The following DDX19B variants were observed in gnomAD, a reference collection of about 807,000 sequenced individuals.
DDX19B encodes ATP-dependent RNA helicase DDX19B.
A neutral mutation model predicts 58.1 loss-of-function variants in DDX19B; 27 were observed. The observed-to-expected ratio is 0.46, with a 90% CI of 0.34 to 0.64. The LOEUF (loss-of-function observed/expected upper bound fraction) is 0.64. Among genes scored for constraint, DDX19B ranks in the 30% least tolerant of loss-of-function variants. The probability of loss-of-function intolerance (pLI) is 0.01; values close to 1 mark genes in which losing one functional copy is unlikely to be tolerated. For synonymous variants in DDX19B, 187 were observed against 214.4 expected (o/e 0.87, Z 1.12); for missense variants, 399 against 596.5 (o/e 0.67, Z 3.45).
intron 4 of DDX19B, 77 bp downstream of exon 4, chr16:70,316,181 G>T (rs1238215722): frequency 7.1e-6 from 11 of 1,559,116 alleles, no homozygotes; most frequent in South Asian, 1.2e-5. Flanking sequence ...GATATCTTTT[G>T]ACCACAACAG....
At position 70,330,444 on chromosome 16, in the gene DDX19B, C is replaced by T. The variant is rs527656491; in HGVS notation, c.1023+376C>T. On this transcript the variant is annotated intron_variant, in intron 9 of 11. Coordinates refer to ENST00000288071, the MANE Select transcript of DDX19B (RefSeq NM_007242.7). Reference sequence around the variant, plus strand: ...TCTACTAAAAATACAAAAAATTAGCCGTGCGTGGTGGTGTGCACCTGTAAT... The same window carrying T: ...TCTACTAAAAATACAAAAAATTAGCTGTGCGTGGTGGTGTGCACCTGTAAT... Among the ~76,000 whole-genome samples the T allele has an allele frequency of 1.8e-4, 27 of 152,114 alleles. No homozygotes were observed. In the South Asian group the frequency reaches 5.4e-3, roughly 30 times the overall value.
At chr16:70,294,736 C>A, upstream of DDX19B, 1 of 870,396 alleles carries the variant, frequency 1.1e-6, no homozygotes, top group Non-Finnish European at 1.7e-6. Context: ...GCTGTACCGT[C>A]CCCTCAGCTG....
At position 70,333,740 on chromosome 16, in the gene DDX19B, G is replaced by A. The variant is rs1963604108; in HGVS notation, c.*158G>A. On this transcript the variant is annotated 3_prime_UTR_variant, in exon 12 of 12. Transcript: ENST00000288071. ...AATTATGTTTGGACTTGACAAAAAT[G>A]TATGCAAATGATGGGGGATGGTAGA... is the stretch of plus-strand genomic sequence containing the variant. 1 of 1,104,226 alleles carries A rather than the reference G, an allele frequency of 9.1e-7. No homozygotes were observed. The highest frequency in any genetic ancestry group is 1.3e-6 in the Non-Finnish European group (1 of 752,206). The allele number at this position is 1,104,226 out of a possible 1,614,324, so 68.4% of individuals were successfully genotyped here.
intron 1 of DDX19B, among the ~76,000 whole-genome samples, chr16:70,308,435 C>T (rs1247042389): frequency 1.3e-5 from 2 of 151,744 alleles, no homozygotes; most frequent in African/African-American, 2.4e-5. Context: ...CAGGGTTTTA[C>T]CATGTTGGTC....
chr16:70,296,242 TCCA>T (rs1961215840), upstream of DDX19B, among the ~76,000 whole-genome samples: 1 of 151,950 alleles, frequency 6.6e-6, no homozygotes, highest in Non-Finnish European at 1.5e-5. Flanking sequence ...GACCTCGTGA[TCCA>T]CCACCTTGGC....
intron 5 of DDX19B, among the ~76,000 whole-genome samples, chr16:70,320,531 T>C (rs1341065049): frequency 6.6e-6 from 1 of 151,618 alleles, no homozygotes; most frequent in Non-Finnish European, 1.5e-5. Flanking sequence ...CAAGCCACCA[T>C]GCCTGGCTAA....
At chr16:70,306,299 G>A (rs1274672662) in intron 1 of DDX19B, among the ~76,000 whole-genome samples, 2 of 151,974 alleles carry the variant, frequency 1.3e-5, no homozygotes, top group African/African-American at 4.8e-5. Flanking sequence ...CTACAGGTGT[G>A]CACCACCACA....
At chr16:70,324,476 C>T (rs1205415994) in intron 5 of DDX19B, 109 bp from the exon 6 acceptor site, 1 of 867,052 alleles carries the variant, frequency 1.2e-6, no homozygotes, top group Admixed American at 2.7e-5. Context: ...TGTAACTCTG[C>T]TACATAATCC....
At chr16:70,290,012 C>G (rs1961017409), upstream of DDX19B, 1 of 295,070 alleles carries the variant, frequency 3.4e-6, no homozygotes, top group Non-Finnish European at 6.9e-6. Flanking sequence ...AGTTCAGGTA[C>G]GATTGGATCA....
upstream of DDX19B, among the ~76,000 whole-genome samples, chr16:70,291,754 T>C (rs922691327): frequency 6.6e-6 from 1 of 151,316 alleles, no homozygotes; most frequent in African/African-American, 2.4e-5. Flanking sequence ...GAGCTAGCAG[T>C]GAGCCGAGAT....
In DDX19B at chr16:70,325,593, C is replaced by T. The variant is rs1963100149; in HGVS notation, c.512C>T (p.Thr171Met). ...KYPQCLCLSP[T>M]YELALQTGKV... ...TGCCAGTGTCTATGTCTCTCCCCAA[C>T]GTATGAGCTCGCCCTCCAAACAGGA... Residue 171 changes from threonine (T) to methionine (M), a missense_variant, in exon 7 of 12, where the codon ACG becomes ATG. Transcript: ENST00000288071. 2.5e-6 allele frequency: 4 copies of T among 1,613,780 alleles called. No individual in the cohort carries two copies. Among genetic ancestry groups the T allele is most frequent in the Non-Finnish European group, 3.4e-6 (4 of 1,179,782 alleles).
chr16:70,324,384 AAAAAG>A (rs1163647181), intron 5 of DDX19B, among the ~76,000 whole-genome samples, 196 bp from the exon 6 acceptor site: 5,384 of 145,712 alleles, frequency 0.037, 435 homozygotes, highest in African/African-American at 0.14. Context: ...AAAAAAAAAA[AAAAAG>A]AAGAAGATGT....
At chr16:70,332,852 G>A (rs535300525) in intron 10 of DDX19B, 116 bp from the exon 11 acceptor site, 55 of 1,582,908 alleles carry the variant, frequency 3.5e-5, no homozygotes, top group African/African-American at 8.1e-5. Context: ...TGTCATGCAC[G>A]TCTCTTAGTG....
rs1963386202 is a variant in DDX19B, at chr16:70,329,816, G to A, written c.786-15G>A. 6.2e-7 allele frequency: 1 copy of A among 1,613,966 alleles called. No homozygotes were observed. The highest frequency in any genetic ancestry group is 8.5e-7 in the Non-Finnish European group (1 of 1,180,000). On this transcript the variant is annotated splice_polypyrimidine_tract_variant and intron_variant, in intron 8 of 11. Transcript: ENST00000288071. ...GGGGCCACCTGGGGCCACCTACCAG[G>A]GCCTTCCCTTGCAGGATGCTGCCCA...
chr16:70,294,957 C>G, upstream of DDX19B: 1 of 1,464,976 alleles, frequency 6.8e-7, no homozygotes, highest in Non-Finnish European at 9.0e-7. Context: ...CCTTTCCTCC[C>G]ACGTTTAGGT....
At chr16:70,293,724 G>C (rs1465873554), upstream of DDX19B, among the ~76,000 whole-genome samples, 1 of 147,250 alleles carries the variant, frequency 6.8e-6, no homozygotes, top group Non-Finnish European at 1.5e-5. Context: ...CCATTCTCCT[G>C]CCTCAGCCTC....
At chr16:70,315,937 T>C in intron 3 of DDX19B, 32 bp from the exon 4 acceptor site, 1 of 1,606,076 alleles carries the variant, frequency 6.2e-7, no homozygotes, top group Non-Finnish European at 8.5e-7. Context: ...TCAAGGACTT[T>C]TTAAAATTCT....
At chr16:70,317,421 GA>G (rs1254341661) in intron 4 of DDX19B, 74 bp from the exon 5 acceptor site, 4 of 1,193,186 alleles carry the variant, frequency 3.4e-6, no homozygotes, top group East Asian at 2.4e-5. Flanking sequence ...CAGTAAAAGA[GA>G]AAAATCCTCC....
chr16:70,298,570 C>T (rs561400337), upstream of DDX19B, among the ~76,000 whole-genome samples: 2 of 151,964 alleles, frequency 1.3e-5, no homozygotes, highest in Non-Finnish European at 2.9e-5. Flanking sequence ...CTCACTGCAG[C>T]CTAGACCTCC....
Sources: gnomAD v4.1 joint callset for allele counts (sites outside exome capture counted in the v4.1 genomes callset) on GRCh38, gnomAD v4.1.1 for gene constraint, MANE v1.5 for transcripts, NCBI Gene and HGNC (gene_info 2026-07-23, HGNC 2026-07-21) for gene names.